UBE2E2: variants seen among roughly 807,000 people sequenced by gnomAD.
UBE2E2 encodes ubiquitin-conjugating enzyme E2 E2.
A neutral mutation model predicts 24.7 loss-of-function variants in UBE2E2; 6 were observed. The observed-to-expected ratio is 0.24, with a 90% CI of 0.13 to 0.48. UBE2E2 has a LOEUF of 0.48. Ranked by LOEUF, UBE2E2 falls within the 20% of genes least tolerant of loss-of-function variation. The probability of loss-of-function intolerance (pLI) is 0.99; values close to 1 mark genes in which losing one functional copy is unlikely to be tolerated. For missense variants in UBE2E2, 169 were observed against 245.0 expected (o/e 0.69, Z 2.07); for synonymous variants, 104 against 83.6 (o/e 1.24, Z -1.33).
chr3:23,258,681 C>G (rs1456993526), intron 3 of UBE2E2, among the ~76,000 whole-genome samples: 2 of 152,134 alleles, frequency 1.3e-5, no homozygotes, highest in Admixed American at 1.3e-4. Context: ...ATCACGAGCT[C>G]AGGAGATGGA....
At position 23,379,963 on chromosome 3, in the gene UBE2E2, G is replaced by T. The variant is rs1348789432; in HGVS notation, c.228-119645G>T. On this transcript the variant is annotated intron_variant, in intron 3 of 5. Coordinates refer to ENST00000396703, the MANE Select transcript of UBE2E2 (RefSeq NM_152653.4). Reference sequence around the variant, plus strand: ...GGAAAAGTGAGAAGGAATCAGTGGGGCAGTCTTTCTCCCAGATACTGTCAC... The same window carrying T: ...GGAAAAGTGAGAAGGAATCAGTGGGTCAGTCTTTCTCCCAGATACTGTCAC... Among the ~76,000 whole-genome samples the T allele has an allele frequency of 4.6e-5, 7 of 151,996 alleles. No individual in the cohort carries two copies. In the East Asian group the frequency reaches 1.2e-3, roughly 25 times the overall value.
At chr3:23,511,952 C>A (rs1394442864) in intron 4 of UBE2E2, among the ~76,000 whole-genome samples, 2 of 152,054 alleles carry the variant, frequency 1.3e-5, no homozygotes, top group Non-Finnish European at 2.9e-5. Flanking sequence ...GACTAAATGA[C>A]TTTTTTTAAG....
intron 4 of UBE2E2, among the ~76,000 whole-genome samples, chr3:23,508,732 C>G (rs1286798053): frequency 6.6e-6 from 1 of 152,138 alleles, no homozygotes; most frequent in Non-Finnish European, 1.5e-5. Flanking sequence ...GTGAATGTGA[C>G]CGCACTCTAA....
At chr3:23,529,886 T>G (rs1695082911) in intron 4 of UBE2E2, among the ~76,000 whole-genome samples, 1 of 152,218 alleles carries the variant, frequency 6.6e-6, no homozygotes. Context: ...GACACTTAAC[T>G]CATTAAATAT....
At chr3:23,457,181 G>A (rs1034188152) in intron 3 of UBE2E2, among the ~76,000 whole-genome samples, 1 of 152,194 alleles carries the variant, frequency 6.6e-6, no homozygotes, top group Admixed American at 6.5e-5. Context: ...TATGCTGCGT[G>A]TATAGAAAAT....
At chr3:23,311,840 C>T (rs766450569) in intron 3 of UBE2E2, among the ~76,000 whole-genome samples, 1 of 152,034 alleles carries the variant, frequency 6.6e-6, no homozygotes, top group Non-Finnish European at 1.5e-5. Flanking sequence ...GGTATCCATC[C>T]CCTCAAGCAT....
intron 3 of UBE2E2, among the ~76,000 whole-genome samples, chr3:23,425,076 TA>T (rs936545217): frequency 2.0e-5 from 3 of 152,194 alleles, no homozygotes; most frequent in Admixed American, 2.0e-4. Flanking sequence ...GTTTTAACTA[TA>T]CCCCCACCAA....
chr3:23,468,217 A>G (rs1352615220), intron 3 of UBE2E2, among the ~76,000 whole-genome samples: 1 of 151,856 alleles, frequency 6.6e-6, no homozygotes, highest in Non-Finnish European at 1.5e-5. Flanking sequence ...TCTGCATCCT[A>G]TTTCCCCCTT....
intron 3 of UBE2E2, among the ~76,000 whole-genome samples, chr3:23,378,544 G>A (rs1696581870): frequency 6.6e-6 from 1 of 152,136 alleles, no homozygotes; most frequent in South Asian, 2.1e-4. Flanking sequence ...GGTTACATGA[G>A]CTCTTGGTAG....
At chr3:23,431,135 G>A (rs1698051125) in intron 3 of UBE2E2, among the ~76,000 whole-genome samples, 1 of 152,114 alleles carries the variant, frequency 6.6e-6, no homozygotes, top group Non-Finnish European at 1.5e-5. Flanking sequence ...ACTGGAAGTG[G>A]GTGAATAGAA....
intron 3 of UBE2E2, among the ~76,000 whole-genome samples, chr3:23,227,233 T>C (rs1696850707): frequency 6.6e-6 from 1 of 152,198 alleles, no homozygotes; most frequent in African/African-American, 2.4e-5. Flanking sequence ...TCCTCAGTTT[T>C]AGTAATTAAT....
At chr3:23,276,453 A>G (rs568664350) in intron 3 of UBE2E2, among the ~76,000 whole-genome samples, 23 of 152,286 alleles carry the variant, frequency 1.5e-4, no homozygotes, top group African/African-American at 5.5e-4. Context: ...ACTCCCTTTC[A>G]TTTACCTTCT....
At chr3:23,438,346 C>G (rs561712376) in intron 3 of UBE2E2, among the ~76,000 whole-genome samples, 5 of 152,178 alleles carry the variant, frequency 3.3e-5, no homozygotes, top group Admixed American at 2.6e-4. Flanking sequence ...GTACCAGAAC[C>G]AGAACATCAG....
chr3:23,510,694 C>G (rs1694576484), intron 4 of UBE2E2, among the ~76,000 whole-genome samples: 1 of 152,136 alleles, frequency 6.6e-6, no homozygotes, highest in Admixed American at 6.5e-5. Flanking sequence ...TCTAAACCAT[C>G]AGGTGAATTT....
chr3:23,532,133 T>C (rs1695137723), intron 4 of UBE2E2, among the ~76,000 whole-genome samples: 1 of 152,112 alleles, frequency 6.6e-6, no homozygotes, highest in African/African-American at 2.4e-5. Context: ...ACTCTCATGC[T>C]TTTTGGTGTT....
intron 3 of UBE2E2, among the ~76,000 whole-genome samples, chr3:23,361,427 C>T (rs1696111199): frequency 6.6e-6 from 1 of 152,158 alleles, no homozygotes; most frequent in Non-Finnish European, 1.5e-5. Flanking sequence ...TGGAACCAAG[C>T]TAAGTGCCCG....
intron 4 of UBE2E2, among the ~76,000 whole-genome samples, chr3:23,530,574 C>T (rs974343876): frequency 2.0e-5 from 3 of 152,156 alleles, no homozygotes; most frequent in Non-Finnish European, 4.4e-5. Context: ...AGTGTTTACA[C>T]AGTATATGTA....
At position 23,292,401 on chromosome 3, in the gene UBE2E2, T is replaced by C. The variant is rs76160076; in HGVS notation, c.227+75089T>C. Reference sequence around the variant, plus strand: ...CAGACATACATGCCCATGCTACTTTTATTCCTGACCTTATTTTTTTTTCAG... The same window carrying C: ...CAGACATACATGCCCATGCTACTTTCATTCCTGACCTTATTTTTTTTTCAG... On this transcript the variant is annotated intron_variant, in intron 3 of 5. Transcript: ENST00000396703. 9.5e-3 allele frequency among the ~76,000 whole-genome samples: 1,454 copies of C among 152,316 alleles called. 29 individuals are homozygous for C. The highest frequency in any genetic ancestry group is 0.033 in the African/African-American group (1,361 of 41,560).
intron 3 of UBE2E2, among the ~76,000 whole-genome samples, chr3:23,349,824 G>C (rs1695680690): frequency 6.6e-6 from 1 of 152,224 alleles, no homozygotes; most frequent in Non-Finnish European, 1.5e-5. Flanking sequence ...TAAACAAAAA[G>C]ACAGCAGTAA....
Sources: gnomAD v4.1 joint callset for allele counts (sites outside exome capture counted in the v4.1 genomes callset) on GRCh38, gnomAD v4.1.1 for gene constraint, MANE v1.5 for transcripts, NCBI Gene and HGNC (gene_info 2026-07-23, HGNC 2026-07-21) for gene names.